SPTLC3: variants seen among roughly 807,000 people sequenced by gnomAD.
SPTLC3 encodes the protein serine palmitoyltransferase 3.
Under a neutral mutation model 59.3 loss-of-function variants are expected in SPTLC3, and 36 were observed. That is an observed-to-expected ratio of 0.61 (90% confidence interval 0.47 to 0.80). The LOEUF is 0.80. Among genes scored for constraint, SPTLC3 ranks in the 30% least tolerant of loss-of-function variants. The probability of loss-of-function intolerance (pLI) is 0.00; values close to 1 mark genes in which losing one functional copy is unlikely to be tolerated. For synonymous variants in SPTLC3, 257 were observed against 240.8 expected (o/e 1.07, Z -0.62); for missense variants, 625 against 685.1 (o/e 0.91, Z 0.98).
At position 13,164,888 on chromosome 20, in the gene SPTLC3, A is replaced by T. The variant is rs779482335; in HGVS notation, c.*21A>T. On this transcript the variant is annotated 3_prime_UTR_variant, in exon 12 of 12. Transcript: ENST00000399002. ...ATTAAGTTTCCTGGTCCTGAATGAC[A>T]CATAAAGACTTTGCGAGAAAGACCT... 6.3e-7 allele frequency: 1 copy of T among 1,593,686 alleles called. No individual in the cohort carries two copies.
chr20:13,109,594 T>C (rs1297314399), intron 6 of SPTLC3, among the ~76,000 whole-genome samples: 2 of 152,142 alleles, frequency 1.3e-5, no homozygotes, highest in Non-Finnish European at 2.9e-5. Flanking sequence ...CCAAATATTT[T>C]GAAAAAGAGG....
At chr20:13,084,798 A>G (rs1282244003) in intron 4 of SPTLC3, among the ~76,000 whole-genome samples, 1 of 152,210 alleles carries the variant, frequency 6.6e-6, no homozygotes, top group Non-Finnish European at 1.5e-5. Flanking sequence ...CATGAGGATT[A>G]AATTAAGCAA....
intron 1 of SPTLC3, 130 bp from the exon 2 acceptor site, chr20:13,048,815 A>G: frequency 1.3e-6 from 1 of 793,052 alleles, no homozygotes; most frequent in Non-Finnish European, 1.9e-6. Flanking sequence ...TTCAATGGTC[A>G]GTTTCTAATT....
chr20:13,063,827 G>GT (rs1331342276), intron 2 of SPTLC3, among the ~76,000 whole-genome samples: 1 of 150,752 alleles, frequency 6.6e-6, no homozygotes, highest in East Asian at 2.0e-4. Context: ...CTTAATTTGT[G>GT]TATGTTTAGT....
At chr20:13,160,188 A>G in intron 11 of SPTLC3, 56 bp downstream of exon 11, 1 of 1,540,842 alleles carries the variant, frequency 6.5e-7, no homozygotes, top group African/African-American at 1.4e-5. Context: ...ATTCAAAGCA[A>G]GTCCTTTTGT....
At chr20:13,128,206 G>A (rs573406740) in intron 9 of SPTLC3, among the ~76,000 whole-genome samples, 11 of 152,282 alleles carry the variant, frequency 7.2e-5, no homozygotes, top group South Asian at 4.1e-4. Context: ...TGTTTCTGAG[G>A]TGATCGACAA....
chr20:13,097,687 G>A (rs1281145436), intron 6 of SPTLC3, among the ~76,000 whole-genome samples: 1 of 152,118 alleles, frequency 6.6e-6, no homozygotes, highest in Non-Finnish European at 1.5e-5. Context: ...ATTTATATGG[G>A]ATGCAGGTTA....
intron 6 of SPTLC3, among the ~76,000 whole-genome samples, chr20:13,094,040 G>T (rs746758582): frequency 6.6e-6 from 1 of 152,070 alleles, no homozygotes; most frequent in African/African-American, 2.4e-5. Context: ...CCATCTATTC[G>T]ACTTCATTGA....
intron 4 of SPTLC3, among the ~76,000 whole-genome samples, chr20:13,085,925 A>G (rs1278032994): frequency 6.6e-6 from 1 of 152,188 alleles, no homozygotes; most frequent in Non-Finnish European, 1.5e-5. Flanking sequence ...ATAACACTGA[A>G]TAAATGGACC....
At chr20:13,063,552 A>G (rs1988053937) in intron 2 of SPTLC3, among the ~76,000 whole-genome samples, 1 of 151,928 alleles carries the variant, frequency 6.6e-6, no homozygotes, top group Non-Finnish European at 1.5e-5. Flanking sequence ...TATTTTAAAC[A>G]TTTGGTCCAT....
chr20:13,126,615 C>G lies in SPTLC3; in HGVS notation c.1177C>G (p.His393Asp). 6.2e-7 allele frequency: 1 copy of G among 1,613,848 alleles called. No individual in the cohort carries two copies. The highest frequency in any genetic ancestry group is 1.1e-5 in the South Asian group (1 of 91,028). The change falls in exon 9 of 12, where the codon CAC becomes GAC. Residue 393 changes from histidine (H) to aspartate (D), a missense_variant. His to Asp is a moderately conservative substitution (Grantham distance 81, BLOSUM62 -1). Coordinates refer to ENST00000399002, the MANE Select transcript of SPTLC3 (RefSeq NM_018327.4). ...GGACCTCGTGGATTATTTACGGGTT[C>G]ACTCGCATAGTGCTGTTTATGCTTC... ...RKDLVDYLRVHSHSAVYASSM... is the reference protein window; with the variant it reads ...RKDLVDYLRVDSHSAVYASSM...
chr20:13,049,183 T>C (rs746789292), intron 2 of SPTLC3, 53 bp downstream of exon 2: 2 of 1,591,430 alleles, frequency 1.3e-6, no homozygotes, highest in East Asian at 2.3e-5. Context: ...CTCTCTAAAG[T>C]GTTCTCAGAA....
At chr20:13,159,462 T>C (rs1044582929) in intron 10 of SPTLC3, among the ~76,000 whole-genome samples, 1 of 152,184 alleles carries the variant, frequency 6.6e-6, no homozygotes, top group Non-Finnish European at 1.5e-5. Context: ...AGTGGGAATA[T>C]TGGCTTGGGG....
At chr20:13,032,459 G>A (rs1011898449) in intron 1 of SPTLC3, among the ~76,000 whole-genome samples, 1 of 152,150 alleles carries the variant, frequency 6.6e-6, no homozygotes, top group Non-Finnish European at 1.5e-5. Context: ...GCTATCAAAG[G>A]CGTTCCATTA....
intron 2 of SPTLC3, among the ~76,000 whole-genome samples, chr20:13,056,741 CTTTT>C (rs34096106): frequency 4.6e-5 from 6 of 129,186 alleles, no homozygotes; most frequent in Admixed American, 7.8e-5. Flanking sequence ...CATCCTTAAT[CTTTT>C]TTTTTTTTTT....
At chr20:13,040,504 G>A (rs1411941713) in intron 1 of SPTLC3, among the ~76,000 whole-genome samples, 2 of 151,982 alleles carry the variant, frequency 1.3e-5, no homozygotes, top group Non-Finnish European at 1.5e-5. Context: ...GACCATAGGC[G>A]CAAGCCACCA....
chr20:13,015,389 A>T (rs948234706), intron 1 of SPTLC3, among the ~76,000 whole-genome samples: 3 of 152,188 alleles, frequency 2.0e-5, no homozygotes, highest in African/African-American at 7.2e-5. Context: ...CTGAAGTAAA[A>T]ACTCCTTTAC....
chr20:13,037,990 G>A (rs946162474), intron 1 of SPTLC3, among the ~76,000 whole-genome samples: 3 of 149,674 alleles, frequency 2.0e-5, no homozygotes, highest in Non-Finnish European at 3.0e-5. Flanking sequence ...GCCAGAATGA[G>A]TCACATGGCC....
intron 8 of SPTLC3, among the ~76,000 whole-genome samples, chr20:13,121,547 CA>C (rs760092272): frequency 6.6e-6 from 1 of 152,112 alleles, no homozygotes; most frequent in Non-Finnish European, 1.5e-5. Context: ...TTTGAACTTC[CA>C]AATGGACGTG....
Sources: gnomAD v4.1 joint callset for allele counts (sites outside exome capture counted in the v4.1 genomes callset) on GRCh38, gnomAD v4.1.1 for gene constraint, MANE v1.5 for transcripts, NCBI Gene and HGNC (gene_info 2026-07-23, HGNC 2026-07-21) for gene names.